DHRSX: variants seen among roughly 807,000 people sequenced by gnomAD.
DHRSX encodes dehydrogenase/reductase X-linked, also known as polyprenol dehydrogenase.
In DHRSX, 31 loss-of-function variants were observed where a neutral mutation model predicts 34.0. The observed-to-expected ratio is 0.91, with a 90% CI of 0.69 to 1.23. DHRSX has a LOEUF of 1.23. Ranked by LOEUF, DHRSX falls within the 50% of genes most tolerant of loss-of-function variation. The probability of loss-of-function intolerance (pLI) is 0.00; values close to 1 mark genes in which losing one functional copy is unlikely to be tolerated. For missense variants in DHRSX, 414 were observed against 428.1 expected, an observed-to-expected ratio of 0.97 and a Z score of 0.29; for synonymous variants, 201 against 183.8, an observed-to-expected ratio of 1.09 and a Z score of -0.76.
intron 1 of DHRSX, among the ~76,000 whole-genome samples, chrX:2,478,593 G>A (rs1442339776): frequency 2.0e-5 from 3 of 151,448 alleles, no homozygotes; most frequent in East Asian, 2.0e-4. Context: ...AAACAGCACT[G>A]AAGACATTCC....
chrX:2,362,748 A>G (rs1421475984), intron 3 of DHRSX, among the ~76,000 whole-genome samples: 1 of 151,140 alleles, frequency 6.6e-6, no homozygotes, highest in Non-Finnish European at 1.5e-5. Context: ...TCACCGTTCT[A>G]TGGTATCATG....
chrX:2,283,081 G>A (rs1019221784), intron 4 of DHRSX, among the ~76,000 whole-genome samples: 2 of 151,732 alleles, frequency 1.3e-5, no homozygotes, highest in Non-Finnish European at 2.9e-5. Flanking sequence ...AGAGAGAGGA[G>A]AAAAGCATTT....
At chrX:2,368,976 AAG>A (rs1373271431) in intron 3 of DHRSX, among the ~76,000 whole-genome samples, 59 of 152,308 alleles carry the variant, frequency 3.9e-4, no homozygotes, top group African/African-American at 1.4e-3. Context: ...GTAAATAAAA[AAG>A]AATATTTTGA....
intron 3 of DHRSX, among the ~76,000 whole-genome samples, chrX:2,379,740 G>A (rs1293135169): frequency 1.3e-5 from 2 of 151,714 alleles, no homozygotes; most frequent in Non-Finnish European, 2.9e-5. Flanking sequence ...CAGATTCCTA[G>A]AGAAAGCTGT....
At chrX:2,307,300 C>T (rs1053387225) in intron 3 of DHRSX, among the ~76,000 whole-genome samples, 6 of 152,052 alleles carry the variant, frequency 3.9e-5, no homozygotes, top group East Asian at 3.8e-4. Context: ...GGCACACCTG[C>T]GCATTCCAAG....
At chrX:2,273,895 C>A (rs978218310) in intron 4 of DHRSX, among the ~76,000 whole-genome samples, 46 of 152,184 alleles carry the variant, frequency 3.0e-4, no homozygotes, top group Admixed American at 7.9e-4. Context: ...GAATCCGAGC[C>A]GTGCTAGGGA....
intron 2 of DHRSX, among the ~76,000 whole-genome samples, chrX:2,416,265 T>C (rs773981240): frequency 6.6e-6 from 1 of 151,102 alleles, no homozygotes; most frequent in Non-Finnish European, 1.5e-5. Context: ...CTCATCAGGA[T>C]CTAATACAAC....
intron 3 of DHRSX, among the ~76,000 whole-genome samples, chrX:2,293,855 G>T (rs1218642305): frequency 1.3e-5 from 2 of 152,078 alleles, no homozygotes; most frequent in Non-Finnish European, 2.9e-5. Flanking sequence ...CCCCATGTCT[G>T]CACTGATGTG....
chrX:2,402,883 C>CTTTTTTT (rs758977585), intron 3 of DHRSX, among the ~76,000 whole-genome samples: 10 of 117,744 alleles, frequency 8.5e-5, no homozygotes, highest in African/African-American at 1.3e-4. Flanking sequence ...TAATTGGTTT[C>CTTTTTTT]TTTTTTTTTT....
At chrX:2,342,375 G>C (rs2042651665) in intron 3 of DHRSX, among the ~76,000 whole-genome samples, 1 of 151,970 alleles carries the variant, frequency 6.6e-6, no homozygotes, top group African/African-American at 2.4e-5. Flanking sequence ...CATGTATCGG[G>C]CCATACTCAC....
At chrX:2,282,790 G>A (rs896321544) in intron 4 of DHRSX, among the ~76,000 whole-genome samples, 1 of 79,756 alleles carries the variant, frequency 1.3e-5, no homozygotes, top group Admixed American at 1.1e-4. Flanking sequence ...GGGGGAGAGA[G>A]AGAAGAAAGA....
At chrX:2,285,161 CG>C (rs1404720200) in intron 4 of DHRSX, among the ~76,000 whole-genome samples, 4 of 152,058 alleles carry the variant, frequency 2.6e-5, no homozygotes, top group Non-Finnish European at 5.9e-5. Flanking sequence ...GGGATGATTC[CG>C]GGGCATGACA....
chrX:2,460,582 C>CCTTTTTTT (rs2044389180), intron 1 of DHRSX, among the ~76,000 whole-genome samples: 1 of 111,910 alleles, frequency 8.9e-6, no homozygotes, highest in African/African-American at 3.5e-5. Flanking sequence ...CCACGTCTGG[C>CCTTTTTTT]TTTTTTTTTT....
intron 5 of DHRSX, among the ~76,000 whole-genome samples, chrX:2,264,512 G>A (rs1414841099): frequency 6.7e-6 from 1 of 149,056 alleles, no homozygotes; most frequent in African/African-American, 2.5e-5. Flanking sequence ...CAGACTCAGG[G>A]AGCACTGTGC....
At chrX:2,449,853 G>C (rs1569502679) in intron 1 of DHRSX, among the ~76,000 whole-genome samples, 1 of 151,972 alleles carries the variant, frequency 6.6e-6, no homozygotes, top group Non-Finnish European at 1.5e-5. Context: ...TGTTGCCCAG[G>C]CTGGTCTCAA....
At position 2,245,940 on chromosome X, in the gene DHRSX, C is replaced by G. The variant is rs1310831651; in HGVS notation, c.597-2710G>C. Among the ~76,000 whole-genome samples the G allele has an allele frequency of 1.1e-4, 14 of 122,946 alleles. No individual in the cohort carries two copies. The East Asian group carries it at 2.7e-3, about 23-fold the overall frequency. 80.7% of individuals were successfully genotyped at this position (122,946 alleles called of 152,430 possible). On this transcript the variant is annotated intron_variant, in intron 5 of 6. Transcript: ENST00000334651. ...TTGTACCACTGCACTCCAGCCTGGG[C>G]AAGAGAGTGAGACTCCATCTCAAAA...
At chrX:2,489,279 T>A in intron 1 of DHRSX, 1 of 1,613,860 alleles carries the variant, frequency 6.2e-7, no homozygotes, top group Non-Finnish European at 8.5e-7. Flanking sequence ...AAGGGCAGCC[T>A]CTTGTAGCGG....
chrX:2,447,587 T>G (rs1359143428), intron 1 of DHRSX, among the ~76,000 whole-genome samples: 1 of 152,098 alleles, frequency 6.6e-6, no homozygotes, highest in Admixed American at 6.6e-5. Flanking sequence ...GCACCCCCTG[T>G]GCACTGCAGC....
At chrX:2,230,053 C>T (rs1256401931) in intron 6 of DHRSX, among the ~76,000 whole-genome samples, 1 of 152,064 alleles carries the variant, frequency 6.6e-6, no homozygotes, top group East Asian at 1.9e-4. Flanking sequence ...ATACGCATGT[C>T]TGTGTGCATG....
Sources: allele counts gnomAD v4.1 joint callset (sites outside exome capture counted in the v4.1 genomes callset), GRCh38; gene constraint gnomAD v4.1.1; transcripts MANE v1.5; gene names NCBI Gene and HGNC (gene_info 2026-07-23, HGNC 2026-07-21).